The following GREB1L variants were observed in gnomAD, a reference collection of about 807,000 sequenced individuals.
GREB1L encodes the protein GREB1 like retinoic acid receptor coactivator, also known as GREB1-like protein.
A neutral mutation model predicts 200.8 loss-of-function variants in GREB1L; 17 were observed. The ratio of observed to expected loss-of-function variants is 0.08; its 90% CI spans 0.06 to 0.13. GREB1L has a LOEUF of 0.13. GREB1L is among the 10% of genes least tolerant of loss of function. GREB1L has a pLI of 1.00. For synonymous variants in GREB1L, 789 were observed against 893.0 expected (o/e 0.88, Z 2.08); for missense variants, 1,657 against 2,367.7 (o/e 0.70, Z 6.23).
intron 15 of GREB1L, among the ~76,000 whole-genome samples, chr18:21,471,770 G>A (rs866940161): frequency 5.1e-4 from 78 of 151,914 alleles, no homozygotes; most frequent in African/African-American, 1.8e-3. Context: ...ACAGGCGTGC[G>A]CCACCACACC....
chr18:21,417,553 A>G (rs1476777439), intron 7 of GREB1L, among the ~76,000 whole-genome samples: 2 of 152,084 alleles, frequency 1.3e-5, no homozygotes, highest in African/African-American at 4.8e-5. Context: ...AAAAATGAAG[A>G]TGAAATAAAG....
chr18:21,354,911 T>C (rs2039482416), intron 1 of GREB1L, among the ~76,000 whole-genome samples: 1 of 152,150 alleles, frequency 6.6e-6, no homozygotes, highest in South Asian at 2.1e-4. Context: ...ATGTAAAATC[T>C]CGAAGGCTTT....
intron 1 of GREB1L, among the ~76,000 whole-genome samples, chr18:21,359,360 G>C (rs1223816246): frequency 1.3e-5 from 2 of 152,168 alleles, no homozygotes; most frequent in Non-Finnish European, 2.9e-5. Flanking sequence ...TGAGGCAGGA[G>C]AATCATTTGA....
chr18:21,252,161 C>T (rs1173562118), intron 1 of GREB1L, among the ~76,000 whole-genome samples: 2 of 152,182 alleles, frequency 1.3e-5, no homozygotes, highest in African/African-American at 4.8e-5. Flanking sequence ...TAAACTATCA[C>T]TTGATACCTA....
intron 19 of GREB1L, among the ~76,000 whole-genome samples, chr18:21,492,591 C>T (rs190766992): frequency 1.1e-4 from 17 of 152,318 alleles, no homozygotes; most frequent in African/African-American, 3.8e-4. Flanking sequence ...CTCTGGACCA[C>T]TGTTGGAAAA....
intron 1 of GREB1L, among the ~76,000 whole-genome samples, chr18:21,307,796 C>T (rs1379292527): frequency 6.6e-6 from 1 of 152,094 alleles, no homozygotes; most frequent in Non-Finnish European, 1.5e-5. Flanking sequence ...CTCCTGCTCC[C>T]TCCTTGTGGG....
At chr18:21,415,365 A>C (rs2031525566) in intron 7 of GREB1L, among the ~76,000 whole-genome samples, 1 of 152,054 alleles carries the variant, frequency 6.6e-6, no homozygotes, top group South Asian at 2.1e-4. Flanking sequence ...ACAATAAAGA[A>C]ATTAGTTAGG....
At chr18:21,457,800 T>C (rs2034838734) in intron 15 of GREB1L, among the ~76,000 whole-genome samples, 1 of 152,152 alleles carries the variant, frequency 6.6e-6, no homozygotes, top group South Asian at 2.1e-4. Context: ...GTAGAATAAA[T>C]AGCAGGAGAG....
intron 1 of GREB1L, among the ~76,000 whole-genome samples, chr18:21,246,300 C>T (rs1326511825): frequency 6.6e-6 from 1 of 152,148 alleles, no homozygotes. Flanking sequence ...ACATGAAACA[C>T]ATAAATGTTA....
intron 1 of GREB1L, among the ~76,000 whole-genome samples, chr18:21,251,228 T>C (rs955614185): frequency 3.3e-5 from 5 of 152,204 alleles, no homozygotes; most frequent in Non-Finnish European, 7.3e-5. Flanking sequence ...CCCTTTCCCC[T>C]TTCTTTTCAC....
intron 21 of GREB1L, among the ~76,000 whole-genome samples, chr18:21,499,049 C>T (rs2036667919): frequency 1.3e-5 from 2 of 152,166 alleles, no homozygotes; most frequent in African/African-American, 2.4e-5. Context: ...GAAAAGCCAC[C>T]GGCCTTGGAG....
intron 7 of GREB1L, among the ~76,000 whole-genome samples, chr18:21,438,158 C>T (rs1217311260): frequency 1.3e-5 from 2 of 152,034 alleles, no homozygotes; most frequent in Non-Finnish European, 2.9e-5. Context: ...CCTGTAGCCC[C>T]AGCTACTTGG....
chr18:21,386,347 A>G (rs970917436), intron 4 of GREB1L, among the ~76,000 whole-genome samples: 4 of 152,080 alleles, frequency 2.6e-5, no homozygotes, highest in African/African-American at 9.7e-5. Context: ...GCTGGAGTGC[A>G]GTGGCGCGAC....
chr18:21,478,070 G>A lies in GREB1L; in HGVS notation c.2556+714G>A, dbSNP rs115908187. 7.3e-3 allele frequency among the ~76,000 whole-genome samples: 1,117 copies of A among 152,190 alleles called. 15 individuals carry two copies. Among genetic ancestry groups the A allele is most frequent in the African/African-American group, 0.025 (1,054 of 41,510 alleles). On this transcript the variant is annotated intron_variant, in intron 17 of 32. Coordinates refer to ENST00000424526, the MANE Select transcript of GREB1L (RefSeq NM_001142966.3). ...GGACATTTTATTGTCCTCTTGGATG[G>A]CCTTTTTGTCATGTTTTAGTCTGAT...
chr18:21,297,629 A>G (rs867742997), intron 1 of GREB1L, among the ~76,000 whole-genome samples: 16 of 152,314 alleles, frequency 1.1e-4, no homozygotes, highest in Non-Finnish European at 1.9e-4. Flanking sequence ...ACACAAGGTG[A>G]GAGAAGCCAC....
chr18:21,376,190 G>A (rs191915314), intron 2 of GREB1L, among the ~76,000 whole-genome samples: 72 of 151,862 alleles, frequency 4.7e-4, no homozygotes, highest in African/African-American at 1.6e-3. Flanking sequence ...CGTGATCTCG[G>A]CTCACTGCAA....
At chr18:21,440,934 A>G (rs2033864798) in intron 9 of GREB1L, among the ~76,000 whole-genome samples, 1 of 152,240 alleles carries the variant, frequency 6.6e-6, no homozygotes, top group South Asian at 2.1e-4. Context: ...TGTTTAAATA[A>G]ATAGTTTTAA....
At chr18:21,429,008 G>A (rs1171584237) in intron 7 of GREB1L, among the ~76,000 whole-genome samples, 1 of 151,958 alleles carries the variant, frequency 6.6e-6, no homozygotes, top group African/African-American at 2.4e-5. Flanking sequence ...ATGAGCCACC[G>A]TGCCCAGCCT....
At chr18:21,381,792 A>G (rs983104752) in intron 2 of GREB1L, among the ~76,000 whole-genome samples, 2 of 152,252 alleles carry the variant, frequency 1.3e-5, no homozygotes, top group Non-Finnish European at 1.5e-5. Context: ...GGGAAGAGGC[A>G]TTCCGTTCCA....
Sources: allele counts gnomAD v4.1 joint callset (sites outside exome capture counted in the v4.1 genomes callset), GRCh38; gene constraint gnomAD v4.1.1; transcripts MANE v1.5; gene names NCBI Gene and HGNC (gene_info 2026-07-23, HGNC 2026-07-21).